Variants in GSN observed in about 807,000 individuals in gnomAD.
GSN encodes the protein actin-depolymerizing factor.
GSN carries 56 observed loss-of-function variants against 85.7 expected under a neutral mutation model. The ratio of observed to expected loss-of-function variants is 0.65; its 90% CI spans 0.53 to 0.82. GSN has a LOEUF of 0.82. GSN is among the 40% of genes least tolerant of loss of function. The probability of loss-of-function intolerance (pLI) is 0.00; values close to 1 mark genes in which losing one functional copy is unlikely to be tolerated. For synonymous variants in GSN, 373 were observed against 399.1 expected, an observed-to-expected ratio of 0.93 and a Z score of 0.78; for missense variants, 857 against 979.8, an observed-to-expected ratio of 0.87 and a Z score of 1.67.
chr9:121,250,394 C>CG (rs1191672947), intron 6 of GSN, among the ~76,000 whole-genome samples: 2 of 151,918 alleles, frequency 1.3e-5, no homozygotes, highest in African/African-American at 2.4e-5. Context: ...TTAGTAGAGA[C>CG]GGGGTTTCAC....
intron 2 of GSN, among the ~76,000 whole-genome samples, chr9:121,290,409 A>G (rs1268599918): frequency 6.6e-6 from 1 of 152,226 alleles, no homozygotes; most frequent in Non-Finnish European, 1.5e-5. Context: ...AGGGGAAAGT[A>G]TTTTAAATAA....
chr9:121,264,718 A>C (rs2055162446), upstream of GSN, among the ~76,000 whole-genome samples: 1 of 152,136 alleles, frequency 6.6e-6, no homozygotes, highest in South Asian at 2.1e-4. Flanking sequence ...GACTGAATCC[A>C]AGCCGTTGTC....
At chr9:121,286,282 A>C in intron 2 of GSN, 2 of 768,220 alleles carry the variant, frequency 2.6e-6, no homozygotes, top group Non-Finnish European at 4.2e-6. Flanking sequence ...CTCCTAGTTC[A>C]ACACCAGCCA....
chr9:121,205,471 A>G (rs2053867398), upstream of GSN, among the ~76,000 whole-genome samples: 1 of 152,156 alleles, frequency 6.6e-6, no homozygotes, highest in South Asian at 2.1e-4. Context: ...TTCCTGCACA[A>G]AGGAGAACAC....
chr9:121,324,613 T>A lies in GSN; in HGVS notation c.1385T>A (p.Leu462Gln). 6.5e-7 allele frequency: 1 copy of A among 1,544,054 alleles called. No homozygotes were observed. The highest frequency in any genetic ancestry group is 8.8e-7 in the Non-Finnish European group (1 of 1,142,106). The change falls in exon 12 of 18, where the codon CTG (leucine) becomes CAG (glutamine). Residue 462 changes from leucine to glutamine, a missense_variant. Leu to Gln is a moderately radical substitution (Grantham distance 113). Transcript: ENST00000432226. ...VAASAILTAQ[L>Q]DEELGGTPVQ... ...GCATCTGCCATCCTGACTGCTCAGC[T>A]GGATGAGGAGCTGGGAGGTACCCCT... is the stretch of plus-strand genomic sequence containing the variant.
At chr9:121,255,199 C>T (rs1044414593) in intron 6 of GSN, among the ~76,000 whole-genome samples, 1 of 152,146 alleles carries the variant, frequency 6.6e-6, no homozygotes, top group African/African-American at 2.4e-5. Context: ...CTGCCCACCT[C>T]GGCCTCCCAA....
upstream of GSN, chr9:121,265,434 C>T (rs10985194): frequency 0.38 from 57,452 of 152,160 alleles, 13,517 homozygotes; most frequent in South Asian, 0.6. Flanking sequence ...AGTTAATTAA[C>T]CATGATTGTC....
intron 6 of GSN, among the ~76,000 whole-genome samples, chr9:121,262,305 CACCT>C (rs1334074660): frequency 6.6e-6 from 1 of 152,222 alleles, no homozygotes; most frequent in African/African-American, 2.4e-5. Context: ...CTCTACCACT[CACCT>C]AGCTGTGGAA....
At chr9:121,259,925 A>T (rs527761268) in intron 6 of GSN, among the ~76,000 whole-genome samples, 2 of 152,336 alleles carry the variant, frequency 1.3e-5, no homozygotes, top group Admixed American at 1.3e-4. Flanking sequence ...CTTCACCTTA[A>T]ACTGTTTAAA....
At chr9:121,308,147 C>T (rs2060624769) in intron 4 of GSN, among the ~76,000 whole-genome samples, 1 of 152,362 alleles carries the variant, frequency 6.6e-6, no homozygotes, top group South Asian at 2.1e-4. Context: ...GGCCAACCCA[C>T]AGCTCCCTTG....
intron 2 of GSN, chr9:121,286,244 G>A: frequency 8.7e-7 from 1 of 1,153,242 alleles, no homozygotes; most frequent in East Asian, 2.6e-5. Context: ...GGACGCCAGG[G>A]AGACCCGAGG....
chr9:121,235,367 A>C (rs1280521688), intron 5 of GSN, among the ~76,000 whole-genome samples: 1 of 152,172 alleles, frequency 6.6e-6, no homozygotes, highest in Admixed American at 6.5e-5. Flanking sequence ...TGAGAATTTT[A>C]GCTTCAGCTT....
intron 5 of GSN, among the ~76,000 whole-genome samples, chr9:121,233,240 T>C (rs1298637342): frequency 6.6e-6 from 1 of 152,004 alleles, no homozygotes; most frequent in Non-Finnish European, 1.5e-5. Context: ...CTGAGGCAGG[T>C]GGATCACAAG....
chr9:121,272,274 G>A (rs923941510), intron 1 of GSN, among the ~76,000 whole-genome samples: 3 of 152,190 alleles, frequency 2.0e-5, no homozygotes, highest in Non-Finnish European at 4.4e-5. Flanking sequence ...TTTAAGAATA[G>A]GGCAGAGAAA....
chr9:121,287,435 G>A (rs60176832), intron 2 of GSN, among the ~76,000 whole-genome samples: 33,705 of 151,934 alleles, frequency 0.22, 4,298 homozygotes, highest in African/African-American at 0.35. Context: ...AGAGGTTCCC[G>A]GGCCCCACCC....
At chr9:121,222,097 T>C (rs1358479323) in intron 4 of GSN, 1 of 152,114 alleles carries the variant, frequency 6.6e-6, no homozygotes, top group Admixed American at 6.5e-5. Flanking sequence ...AGGTGGGTTT[T>C]TTTTTAAGTT....
At chr9:121,217,559 C>T (rs912203754) in intron 4 of GSN, among the ~76,000 whole-genome samples, 7 of 151,852 alleles carry the variant, frequency 4.6e-5, no homozygotes, top group African/African-American at 1.7e-4. Flanking sequence ...CCCCTAATCT[C>T]CTTTTCTTAT....
chr9:121,202,035 C>A, the GSN span, among the ~76,000 whole-genome samples: 1 of 152,188 alleles, frequency 6.6e-6, no homozygotes, highest in African/African-American at 2.4e-5. Context: ...CTTGTCGCGC[C>A]GCCGCTGAGG....
Position 121,321,267 on chromosome 9 carries a change from G to C in GSN, c.1192-1G>C. ...ATCTGACTCCAGCTTTGCTCCTGCA[G>C]ATCTGGAGAATCGAAGGTTCCAACA... On this transcript the variant is annotated splice_acceptor_variant, in intron 10 of 17. Transcript: ENST00000432226. LOFTEE classifies it high-confidence loss of function. 6.2e-7 allele frequency: 1 copy of C among 1,614,020 alleles called. No homozygotes were observed. The highest frequency in any genetic ancestry group is 8.5e-7 in the Non-Finnish European group (1 of 1,179,940).
Sources: allele counts gnomAD v4.1 joint callset (sites outside exome capture counted in the v4.1 genomes callset), GRCh38; gene constraint gnomAD v4.1.1; transcripts MANE v1.5; gene names NCBI Gene and HGNC (gene_info 2026-07-23, HGNC 2026-07-21).